Variants in XRCC4 observed in about 807,000 individuals in gnomAD.
XRCC4 encodes DNA repair protein XRCC4.
XRCC4 carries 28 observed loss-of-function variants against 39.1 expected under a neutral mutation model. The ratio of observed to expected loss-of-function variants is 0.72; its 90% CI spans 0.53 to 0.98. The LOEUF (loss-of-function observed/expected upper bound fraction) is 0.98, where lower values mean the gene tolerates loss of function less well. XRCC4 is among the 50% of genes least tolerant of loss of function. The pLI, the probability that XRCC4 is intolerant of heterozygous loss-of-function variation, is 0.00. For missense variants in XRCC4, 350 were observed against 376.4 expected (o/e 0.93, Z 0.58); for synonymous variants, 123 against 126.4 (o/e 0.97, Z 0.18).
At chr5:83,220,603 G>C (rs1444564878) in intron 6 of XRCC4, among the ~76,000 whole-genome samples, 3 of 152,128 alleles carry the variant, frequency 2.0e-5, no homozygotes, top group Non-Finnish European at 4.4e-5. Flanking sequence ...TGCATGGTGT[G>C]GTGAAACAGA....
intron 3 of XRCC4, among the ~76,000 whole-genome samples, chr5:83,116,502 T>C (rs945203649): frequency 6.6e-6 from 1 of 152,184 alleles, no homozygotes; most frequent in Non-Finnish European, 1.5e-5. Flanking sequence ...CTTTCTTTTT[T>C]TCTTAAAAGG....
chr5:83,183,412 T>TTGTGTGTGTG (rs369446374), intron 3 of XRCC4, among the ~76,000 whole-genome samples: 468 of 139,424 alleles, frequency 3.4e-3, no homozygotes, highest in African/African-American at 4.9e-3. Flanking sequence ...TTTCATTTAT[T>TTGTGTGTGTG]TGTGTGTGTG....
chr5:83,353,232 A>C lies in XRCC4; in HGVS notation c.995A>C (p.Asp332Ala), dbSNP rs745475823. 2 of 1,606,664 alleles carry C rather than the reference A, an allele frequency of 1.2e-6. No homozygotes were observed. Among genetic ancestry groups the C allele is most frequent in the Non-Finnish European group, 1.7e-6 (2 of 1,176,174 alleles). ...LRNSSPEDLF[D>A]EI The stretch of plus-strand genomic sequence containing the variant: ...AACAGCAGCCCAGAAGACCTCTTTG[A>C]TGAGATTTAACAGTCTCAAAAAATA... The change falls in exon 8 of 8, where the codon GAT (aspartate) becomes GCT (alanine). Residue 332 changes from aspartate (D) to alanine (A), a missense_variant. Transcript: ENST00000396027.
chr5:83,223,915 C>T (rs1409131685), intron 6 of XRCC4, among the ~76,000 whole-genome samples: 1 of 144,806 alleles, frequency 6.9e-6, no homozygotes, highest in African/African-American at 2.6e-5. Flanking sequence ...TGATGGTTTC[C>T]AGCTTCATCC....
chr5:83,093,869 T>C (rs1745545027), intron 1 of XRCC4, among the ~76,000 whole-genome samples: 1 of 152,122 alleles, frequency 6.6e-6, no homozygotes, highest in Admixed American at 6.5e-5. Context: ...CTTTGCTGGG[T>C]AAAGTCTTCT....
chr5:83,124,092 G>C (rs1306986175), intron 3 of XRCC4, among the ~76,000 whole-genome samples: 1 of 152,050 alleles, frequency 6.6e-6, no homozygotes, highest in African/African-American at 2.4e-5. Flanking sequence ...ACTACAGACT[G>C]TACACAGATT....
chr5:83,366,728 AC>A, the XRCC4 span, among the ~76,000 whole-genome samples: 1 of 152,112 alleles, frequency 6.6e-6, no homozygotes. Flanking sequence ...TCATTGCCAT[AC>A]TTTGAACAAA....
At chr5:83,295,533 A>C (rs1228323852) in intron 7 of XRCC4, among the ~76,000 whole-genome samples, 4 of 152,030 alleles carry the variant, frequency 2.6e-5, no homozygotes, top group Non-Finnish European at 5.9e-5. Context: ...AATCTGCCCT[A>C]GGTAAGATGG....
At chr5:83,128,177 A>G (rs1050262897) in intron 3 of XRCC4, among the ~76,000 whole-genome samples, 2 of 151,848 alleles carry the variant, frequency 1.3e-5, no homozygotes, top group South Asian at 2.1e-4. Flanking sequence ...CCTCTGTCCA[A>G]GTGTTCTCAT....
intron 7 of XRCC4, among the ~76,000 whole-genome samples, chr5:83,309,065 G>C (rs888775871): frequency 1.3e-5 from 2 of 150,906 alleles, no homozygotes; most frequent in Non-Finnish European, 2.9e-5. Flanking sequence ...GGATCATGAG[G>C]TCAGGAGATC....
At chr5:83,143,397 A>G (rs1020756549) in intron 3 of XRCC4, among the ~76,000 whole-genome samples, 4 of 152,192 alleles carry the variant, frequency 2.6e-5, no homozygotes, top group African/African-American at 9.6e-5. Context: ...TATGTGTATC[A>G]AAATATCACA....
At chr5:83,371,524 A>G in the XRCC4 span, among the ~76,000 whole-genome samples, 15 of 152,298 alleles carry the variant, frequency 9.8e-5, no homozygotes, top group Middle Eastern at 3.4e-3. Flanking sequence ...AACAATCTAC[A>G]TGTCAGATGC....
intron 6 of XRCC4, among the ~76,000 whole-genome samples, chr5:83,238,823 G>C (rs1041786371): frequency 6.6e-6 from 1 of 152,054 alleles, no homozygotes; most frequent in African/African-American, 2.4e-5. Flanking sequence ...AAATATAAAA[G>C]TTTTTAAGAA....
chr5:83,353,492 CT>C lies in XRCC4; in HGVS notation c.*255del. On this transcript the variant is annotated 3_prime_UTR_variant, in exon 8 of 8. Coordinates refer to ENST00000396027, the MANE Select transcript of XRCC4 (RefSeq NM_003401.5). ...CTATAATTACATAAATTGTATGAGA[CT>C]TTTTGTTGCAAAGGACACATTTATC... The C allele has an allele frequency of 3.6e-6, 1 of 280,926 alleles. No homozygotes were observed. The allele number at this position is 280,926 out of a possible 1,614,324, so 17.4% of individuals were successfully genotyped here.
At chr5:83,187,465 G>T (rs2974449) in intron 3 of XRCC4, among the ~76,000 whole-genome samples, 69,622 of 151,984 alleles carry the variant, frequency 0.46, 16,433 homozygotes, top group South Asian at 0.52. Flanking sequence ...CAAGTTTCAA[G>T]AATTAGCTTG....
intron 7 of XRCC4, among the ~76,000 whole-genome samples, chr5:83,328,093 G>C (rs1470123083): frequency 6.6e-6 from 1 of 152,042 alleles, no homozygotes; most frequent in Non-Finnish European, 1.5e-5. Flanking sequence ...ATCATGGCGG[G>C]AGGCAAAAGG....
chr5:83,102,989 G>A (rs1259701462), intron 1 of XRCC4, among the ~76,000 whole-genome samples: 2 of 94,010 alleles, frequency 2.1e-5, no homozygotes, highest in African/African-American at 4.4e-5. Context: ...TATTCATAGG[G>A]TTCCAGTAAA....
intron 6 of XRCC4, among the ~76,000 whole-genome samples, chr5:83,225,064 A>G (rs1752235955): frequency 6.6e-6 from 1 of 152,030 alleles, no homozygotes; most frequent in Non-Finnish European, 1.5e-5. Flanking sequence ...TAAGACAACT[A>G]CCTCTCTCCT....
In XRCC4 at chr5:83,081,601, A is replaced by C. The variant is rs78319584; in HGVS notation, c.-11+3986A>C. ...CCTTGACTAAAATAACCATTTTACTATCTGTGTGTATCCTATAATGTCAAC... is the reference window on the plus strand; with the variant it reads ...CCTTGACTAAAATAACCATTTTACTCTCTGTGTGTATCCTATAATGTCAAC... On this transcript the variant is annotated intron_variant, in intron 1 of 7. Transcript: ENST00000396027. 2.2e-3 allele frequency among the ~76,000 whole-genome samples: 340 copies of C among 152,328 alleles called. 1 individual carries two copies. Among genetic ancestry groups the C allele is most frequent in the African/African-American group, 7.8e-3 (324 of 41,580 alleles).
Sources: gnomAD v4.1 joint callset for allele counts (sites outside exome capture counted in the v4.1 genomes callset) on GRCh38, gnomAD v4.1.1 for gene constraint, MANE v1.5 for transcripts, NCBI Gene and HGNC (gene_info 2026-07-23, HGNC 2026-07-21) for gene names.